The following NPNT variants were observed in gnomAD, a reference collection of about 807,000 sequenced individuals.
NPNT encodes the protein preosteoblast EGF-like repeat protein with MAM domain.
Under a neutral mutation model 68.6 loss-of-function variants are expected in NPNT, and 45 were observed. The ratio of observed to expected loss-of-function variants is 0.66; its 90% CI spans 0.52 to 0.84. The LOEUF (loss-of-function observed/expected upper bound fraction) is 0.84. NPNT is among the 40% of genes least tolerant of loss of function. NPNT has a pLI of 0.00. For synonymous variants in NPNT, 233 were observed against 253.3 expected (o/e 0.92, Z 0.76); for missense variants, 672 against 714.8 (o/e 0.94, Z 0.68).
chr4:105,942,777 A>G, intron 8 of NPNT, 75 bp downstream of exon 8: 2 of 1,382,704 alleles, frequency 1.4e-6, no homozygotes, highest in South Asian at 1.4e-5. Flanking sequence ...CATGCCTTGA[A>G]TAAGAATGAA....
At chr4:105,932,450 GAAACCAGAA>G (rs745790048) in intron 3 of NPNT, 3 of 485,592 alleles carry the variant, frequency 6.2e-6, no homozygotes, top group Non-Finnish European at 1.1e-5. Flanking sequence ...AAGGAAAAGA[GAAACCAGAA>G]GAACCAGAAA....
Position 105,938,365 on chromosome 4 carries a change from G to A in NPNT, c.450G>A (p.Arg150=). 1 of 1,613,634 alleles carries A rather than the reference G, an allele frequency of 6.2e-7. No individual in the cohort carries two copies. Among genetic ancestry groups the A allele is most frequent in the Non-Finnish European group, 8.5e-7 (1 of 1,179,724 alleles). ...YGCDVVKGQI[R]CQCPSPGLQL... is the part of the protein sequence containing the mutation. ...GTGATGTTGTTAAAGGACAAATACG[G>A]TGCCAGTGCCCATCCCCTGGCCTGC... The change falls in exon 5 of 12, where the codon CGG becomes CGA. Residue 150 remains arginine, a synonymous_variant. Coordinates refer to ENST00000379987, the MANE Select transcript of NPNT (RefSeq NM_001033047.3).
chr4:105,924,467 A>G (rs1343411733), intron 2 of NPNT, among the ~76,000 whole-genome samples: 3 of 152,212 alleles, frequency 2.0e-5, no homozygotes, highest in Middle Eastern at 3.2e-3. Flanking sequence ...ACCGCATTTA[A>G]TAGCCATTGG....
intron 3 of NPNT, among the ~76,000 whole-genome samples, chr4:105,930,517 T>A (rs1729030256): frequency 6.6e-6 from 1 of 152,222 alleles, no homozygotes; most frequent in Non-Finnish European, 1.5e-5. Context: ...GCAGATTAAC[T>A]TAAACTGTTT....
intron 2 of NPNT, among the ~76,000 whole-genome samples, chr4:105,920,778 G>A (rs1036751356): frequency 6.6e-6 from 1 of 151,864 alleles, no homozygotes; most frequent in African/African-American, 2.4e-5. Context: ...ACAGCTCTTG[G>A]GAGACAACAT....
intron 3 of NPNT, among the ~76,000 whole-genome samples, chr4:105,928,384 C>T (rs549322517): frequency 3.9e-5 from 6 of 152,154 alleles, no homozygotes; most frequent in South Asian, 2.1e-4. Flanking sequence ...GAAGCTGAGG[C>T]GAGTGGATCA....
At chr4:105,916,386 AT>A (rs1002048993) in intron 2 of NPNT, among the ~76,000 whole-genome samples, 1,978 of 141,726 alleles carry the variant, frequency 0.014, 17 homozygotes, top group South Asian at 0.024. Context: ...TGCCCATATA[AT>A]TTTTTTTTTT....
intron 10 of NPNT, among the ~76,000 whole-genome samples, chr4:105,962,676 A>T (rs1484771184): frequency 6.6e-6 from 1 of 152,182 alleles, no homozygotes; most frequent in Non-Finnish European, 1.5e-5. Context: ...GGAAAGAAGG[A>T]TGGGAAGACC....
chr4:105,967,997 CT>C (rs1323604122), intron 11 of NPNT, among the ~76,000 whole-genome samples: 1 of 152,062 alleles, frequency 6.6e-6, no homozygotes, highest in African/African-American at 2.4e-5. Context: ...GTGGGAAGTG[CT>C]TTGATGGAAT....
intron 2 of NPNT, among the ~76,000 whole-genome samples, chr4:105,910,125 C>T (rs1167506202): frequency 6.6e-6 from 1 of 151,606 alleles, no homozygotes; most frequent in African/African-American, 2.4e-5. Flanking sequence ...TAACACGGTC[C>T]AAAGTTCAGG....
chr4:105,958,334 T>G, intron 8 of NPNT, 137 bp from the exon 9 acceptor site: 1 of 467,272 alleles, frequency 2.1e-6, no homozygotes, highest in Non-Finnish European at 3.9e-6. Context: ...TCATGTGATA[T>G]ATAATTAAAT....
In NPNT at chr4:105,907,216, G is replaced by A. The variant is rs147989663; in HGVS notation, c.172+9215G>A. Among the ~76,000 whole-genome samples, 200 of 152,218 alleles carry A rather than the reference G, an allele frequency of 1.3e-3. 1 individual carries two copies. Among genetic ancestry groups the A allele is most frequent in the African/African-American group, 4.5e-3 (185 of 41,536 alleles). On this transcript the variant is annotated intron_variant, in intron 2 of 11. Coordinates refer to ENST00000379987, the MANE Select transcript of NPNT (RefSeq NM_001033047.3). ...AAGTCATCTTTTCACTGGGGTGTGC[G>A]GAAGGGCTGATTCTCATGTACTCTT...
chr4:105,912,409 G>T, intron 2 of NPNT: 1 of 515,860 alleles, frequency 1.9e-6, no homozygotes, highest in Non-Finnish European at 3.3e-6. Context: ...CATAATTATA[G>T]TAAGTTAATT....
intron 10 of NPNT, among the ~76,000 whole-genome samples, chr4:105,964,383 G>C (rs962231507): frequency 1.3e-5 from 2 of 152,118 alleles, no homozygotes; most frequent in Admixed American, 6.5e-5. Flanking sequence ...TTTAATATAT[G>C]TTAGACTATA....
At chr4:105,942,144 T>C (rs1011712937) in intron 7 of NPNT, among the ~76,000 whole-genome samples, 163 bp from the exon 8 acceptor site, 5 of 144,856 alleles carry the variant, frequency 3.5e-5, no homozygotes, top group Non-Finnish European at 7.7e-5. Context: ...TATACACACA[T>C]ATATATTTGT....
In NPNT at chr4:105,950,741, A is replaced by G. The variant is rs780728265; in HGVS notation, c.1160-7730A>G. Among the ~76,000 whole-genome samples the G allele has an allele frequency of 3.7e-4, 56 of 152,266 alleles. 1 individual carries two copies. Among genetic ancestry groups the G allele is most frequent in the Non-Finnish European group, 1.5e-4 (10 of 68,024 alleles). On this transcript the variant is annotated intron_variant, in intron 8 of 11. Transcript: ENST00000379987. ...ACCCAGTAGGGTTCCAATGCCTGAC[A>G]ACCTGCACCTGTCAGGAAGAGCCCC...
chr4:105,896,513 CTG>C (rs918883395), intron 1 of NPNT, among the ~76,000 whole-genome samples: 2 of 152,190 alleles, frequency 1.3e-5, no homozygotes, highest in Non-Finnish European at 2.9e-5. Context: ...CCCCTCACCT[CTG>C]TGCAATTACA....
chr4:105,954,142 C>G (rs1731041012), intron 8 of NPNT, among the ~76,000 whole-genome samples: 1 of 152,200 alleles, frequency 6.6e-6, no homozygotes, highest in Admixed American at 6.5e-5. Flanking sequence ...CTTACAAGAA[C>G]TTTCCTGCTC....
At chr4:105,913,186 G>A (rs1325917241) in intron 2 of NPNT, among the ~76,000 whole-genome samples, 3 of 152,126 alleles carry the variant, frequency 2.0e-5, no homozygotes, top group Admixed American at 2.0e-4. Context: ...TCTTTAAACT[G>A]ATTGAAGAAA....
Sources: gnomAD v4.1 joint callset for allele counts (sites outside exome capture counted in the v4.1 genomes callset) on GRCh38, gnomAD v4.1.1 for gene constraint, MANE v1.5 for transcripts, NCBI Gene and HGNC (gene_info 2026-07-23, HGNC 2026-07-21) for gene names.